Variants in KAZN observed in about 807,000 individuals in gnomAD.
KAZN encodes the protein kazrin.
KAZN carries 40 observed loss-of-function variants against 87.4 expected under a neutral mutation model. The ratio of observed to expected loss-of-function variants is 0.46; its 90% CI spans 0.36 to 0.60. KAZN has a LOEUF of 0.60. KAZN is among the 20% of genes least tolerant of loss of function. The probability of loss-of-function intolerance (pLI) is 0.00; values close to 1 mark genes in which losing one functional copy is unlikely to be tolerated. For synonymous variants in KAZN, 466 were observed against 458.3 expected, an observed-to-expected ratio of 1.02 and a Z score of -0.22; for missense variants, 898 against 1,073.9, an observed-to-expected ratio of 0.84 and a Z score of 2.29.
chr1:15,075,544 T>C (rs1250084514), intron 8 of KAZN, among the ~76,000 whole-genome samples: 1 of 152,206 alleles, frequency 6.6e-6, no homozygotes, highest in Non-Finnish European at 1.5e-5. Context: ...TTCTGTGCTT[T>C]GAGGGCGCTG....
In KAZN at chr1:14,606,433, G is replaced by T. The variant is rs538639903; in HGVS notation, c.226+7210G>T. Among the ~76,000 whole-genome samples the T allele has an allele frequency of 3.9e-5, 6 of 152,272 alleles. No homozygotes were observed. In the East Asian group the frequency reaches 1.2e-3, roughly 29 times the overall value. ...ACTGACAAAGAAGGGACTGGATTCT[G>T]TTTGCAAGACTGGCAGCCCAGGGGC... On this transcript the variant is annotated intron_variant, in intron 1 of 14. Transcript: ENST00000376030.
intron 1 of KAZN, among the ~76,000 whole-genome samples, chr1:14,163,221 T>C (rs1022711477): frequency 2.0e-5 from 3 of 152,148 alleles, no homozygotes; most frequent in Admixed American, 2.0e-4. Flanking sequence ...TGAAAGTTTA[T>C]TAAAAAGTTT....
At chr1:14,116,753 C>T (rs1644630160) in intron 1 of KAZN, among the ~76,000 whole-genome samples, 1 of 152,224 alleles carries the variant, frequency 6.6e-6, no homozygotes, top group African/African-American at 2.4e-5. Flanking sequence ...GCTGCAGACA[C>T]TCAATGCCAG....
At chr1:14,756,919 G>A (rs1178008019) in intron 1 of KAZN, among the ~76,000 whole-genome samples, 2 of 152,224 alleles carry the variant, frequency 1.3e-5, no homozygotes, top group African/African-American at 4.8e-5. Context: ...AGGTAACGGA[G>A]AGGCTCGTCA....
At position 14,229,618 on chromosome 1, in the gene KAZN, G is replaced by A. The variant is rs369215393; in HGVS notation, c.249+49026G>A. Among the ~76,000 whole-genome samples, 54 of 152,288 alleles carry A rather than the reference G, an allele frequency of 3.5e-4. 1 individual carries two copies. The highest frequency in any genetic ancestry group is 1.2e-3 in the African/African-American group (48 of 41,576). On this transcript the variant is annotated intron_variant, in intron 2 of 16. Coordinates refer to the KAZN transcript ENST00000636203. ...TGAATAGTATTTTCACAGCAAATAC[G>A]AAAATCTTATTCATATAAGGGCCCT...
intron 1 of KAZN, among the ~76,000 whole-genome samples, chr1:14,659,344 T>A (rs556302674): frequency 6.6e-6 from 1 of 152,230 alleles, no homozygotes; most frequent in Admixed American, 6.5e-5. Flanking sequence ...GTTCTATAGG[T>A]CACTCAGGCG....
intron 2 of KAZN, among the ~76,000 whole-genome samples, chr1:15,026,476 C>A (rs747368930): frequency 2.6e-5 from 4 of 152,158 alleles, no homozygotes; most frequent in Non-Finnish European, 4.4e-5. Flanking sequence ...CTCCAACACC[C>A]TCATTATGCT....
intron 1 of KAZN, chr1:14,945,847 C>T: frequency 1.0e-6 from 1 of 985,296 alleles, no homozygotes; most frequent in African/African-American, 1.7e-5. Context: ...GCCCGGAAGA[C>T]TTGGGCAGCC....
At chr1:14,341,077 T>TGG (rs36093736) in intron 2 of KAZN, among the ~76,000 whole-genome samples, 2 of 150,724 alleles carry the variant, frequency 1.3e-5, no homozygotes, top group South Asian at 2.1e-4. Flanking sequence ...TAGTAGAGAT[T>TGG]GGGGGGGGTT....
At chr1:14,315,483 C>T (rs1655592386) in intron 2 of KAZN, among the ~76,000 whole-genome samples, 1 of 152,096 alleles carries the variant, frequency 6.6e-6, no homozygotes, top group East Asian at 1.9e-4. Flanking sequence ...TGTATAACCA[C>T]CACTAGAATC....
chr1:14,818,472 G>A (rs773812186), intron 1 of KAZN, among the ~76,000 whole-genome samples: 1 of 152,246 alleles, frequency 6.6e-6, no homozygotes, highest in Non-Finnish European at 1.5e-5. Flanking sequence ...TCAGGGACAA[G>A]GGTCACGAAG....
At chr1:14,929,627 C>T (rs1371763372) in intron 1 of KAZN, among the ~76,000 whole-genome samples, 4 of 152,162 alleles carry the variant, frequency 2.6e-5, no homozygotes, top group Non-Finnish European at 2.9e-5. Flanking sequence ...TCATTAAACC[C>T]GGCCGAAGCC....
At chr1:14,972,913 G>A (rs1450084196) in intron 2 of KAZN, among the ~76,000 whole-genome samples, 1 of 152,018 alleles carries the variant, frequency 6.6e-6, no homozygotes, top group Non-Finnish European at 1.5e-5. Flanking sequence ...AGGGGGTGTG[G>A]GGAACAGGGA....
rs532882647 is a variant in KAZN at position 14,670,399 on chromosome 1, T to C, written c.226+71176T>C. Among the ~76,000 whole-genome samples, 129 of 152,304 alleles carry C rather than the reference T, an allele frequency of 8.5e-4. 3 individuals are homozygous for C. In the South Asian group the frequency reaches 0.023, roughly 27 times the overall value. ...GAGCTTCTGCTACCTTCTGCTTCAG[T>C]AGGTCTGAGGTGGGGCCTGCTGATT... On this transcript the variant is annotated intron_variant, in intron 1 of 14. Coordinates refer to ENST00000376030, the MANE Select transcript of KAZN (RefSeq NM_201628.3).
chr1:14,245,636 A>G (rs1236664769), intron 2 of KAZN, among the ~76,000 whole-genome samples: 3 of 152,170 alleles, frequency 2.0e-5, no homozygotes, highest in African/African-American at 7.2e-5. Context: ...GTCACAGTCT[A>G]TAAGGGGCTG....
chr1:14,673,441 G>C (rs1195073287), intron 1 of KAZN, among the ~76,000 whole-genome samples: 1 of 152,186 alleles, frequency 6.6e-6, no homozygotes, highest in East Asian at 1.9e-4. Flanking sequence ...TGATTGTTTT[G>C]AAATGGGAAC....
At chr1:14,247,874 A>G (rs1361240489) in intron 2 of KAZN, among the ~76,000 whole-genome samples, 5 of 152,140 alleles carry the variant, frequency 3.3e-5, no homozygotes, top group Non-Finnish European at 7.4e-5. Context: ...TGGCAGGCCA[A>G]ACATCTGGCT....
intron 2 of KAZN, among the ~76,000 whole-genome samples, chr1:14,528,778 G>T (rs1401869315): frequency 2.0e-5 from 3 of 146,936 alleles, no homozygotes; most frequent in African/African-American, 7.5e-5. Flanking sequence ...AAAATAGACA[G>T]CTCTCCTCAC....
At chr1:14,052,267 T>C (rs917430326) in intron 1 of KAZN, among the ~76,000 whole-genome samples, 7 of 152,276 alleles carry the variant, frequency 4.6e-5, no homozygotes, top group Admixed American at 2.0e-4. Context: ...CACATTCTGC[T>C]TTTTGCAAAG....
Sources: allele counts gnomAD v4.1 joint callset (sites outside exome capture counted in the v4.1 genomes callset), GRCh38; gene constraint gnomAD v4.1.1; transcripts MANE v1.5; gene names NCBI Gene and HGNC (gene_info 2026-07-23, HGNC 2026-07-21).